The following IDO2 variants were observed in gnomAD, a reference collection of about 807,000 sequenced individuals.
IDO2 encodes indoleamine 2,3-dioxygenase 2.
IDO2 carries 46 observed loss-of-function variants against 45.1 expected under a neutral mutation model. The observed-to-expected ratio is 1.02, with a 90% CI of 0.80 to 1.30. IDO2 has a LOEUF of 1.30. Among genes scored for constraint, IDO2 ranks in the 50% most tolerant of loss-of-function variants. The pLI is 0.00. For missense variants in IDO2, 544 were observed against 491.8 expected, an observed-to-expected ratio of 1.11 and a Z score of -1.00; for synonymous variants, 218 against 184.9, an observed-to-expected ratio of 1.18 and a Z score of -1.45.
At chr8:39,985,876 G>A (rs1808414678) in intron 6 of IDO2, 1 of 189,294 alleles carries the variant, frequency 5.3e-6, no homozygotes, top group African/African-American at 2.4e-5. Context: ...TGTTGCCCAG[G>A]TTGGAGTGCA....
intron 8 of IDO2, among the ~76,000 whole-genome samples, chr8:39,994,957 C>A (rs1354964734): frequency 6.6e-6 from 1 of 152,110 alleles, no homozygotes; most frequent in Non-Finnish European, 1.5e-5. Flanking sequence ...ATCAAGAGCA[C>A]ACTACTAGTT....
chr8:39,955,310 A>T (rs1453613885), intron 2 of IDO2, among the ~76,000 whole-genome samples: 1 of 133,274 alleles, frequency 7.5e-6, no homozygotes, highest in Non-Finnish European at 1.5e-5. Flanking sequence ...GCTGGAGTGC[A>T]GTGGCACGTT....
intron 3 of IDO2, among the ~76,000 whole-genome samples, chr8:39,975,163 T>G (rs1808240807): frequency 1.7e-5 from 1 of 59,478 alleles, no homozygotes; most frequent in South Asian, 6.1e-4. Context: ...ATTGGAGTTT[T>G]TTTTTTTGTT....
chr8:40,016,201 TC>T (rs1802385955), exon 11 of IDO2: 1 of 397,870 alleles, frequency 2.5e-6, no homozygotes, highest in African/African-American at 2.1e-5. Flanking sequence ...GATGAGACTT[TC>T]CACGTGGTAC....
intron 9 of IDO2, among the ~76,000 whole-genome samples, chr8:40,010,957 A>G (rs2981152): frequency 0.56 from 84,745 of 151,884 alleles, 23,911 homozygotes; most frequent in East Asian, 0.78. Flanking sequence ...TTTCGCCCAA[A>G]CTGGAGTGCA....
intron 8 of IDO2, among the ~76,000 whole-genome samples, chr8:40,004,055 T>C (rs1263116267): frequency 6.6e-6 from 1 of 152,180 alleles, no homozygotes; most frequent in Non-Finnish European, 1.5e-5. Flanking sequence ...TTGGGCAAAA[T>C]ATTAAAGTAT....
intron 9 of IDO2, among the ~76,000 whole-genome samples, chr8:40,012,114 C>T (rs2981156): frequency 0.67 from 102,316 of 152,042 alleles, 34,982 homozygotes; most frequent in Non-Finnish European, 0.73. Context: ...ATATCATGAA[C>T]AGCAAACACA....
chr8:39,982,770 G>C (rs753401519), exon 5 of IDO2: 7 of 1,555,584 alleles, frequency 4.5e-6, no homozygotes, highest in Non-Finnish European at 1.8e-6. Context: ...GATCCAGACG[G>C]GTAAGGAAGG....
intron 6 of IDO2, chr8:39,986,579 G>A (rs557004355): frequency 6.6e-6 from 1 of 152,206 alleles, no homozygotes; most frequent in South Asian, 2.1e-4. Context: ...TTTAGGTTTT[G>A]TAGATGTTTT....
At chr8:40,015,172 A>AAAGAAG in intron 10 of IDO2, 75 bp from the exon 11 acceptor site, 1 of 913,798 alleles carries the variant, frequency 1.1e-6, no homozygotes, top group Non-Finnish European at 1.7e-6. Context: ...AAAAAATAAA[A>AAAGAAG]AAGAAGAAGA....
chr8:39,954,798 G>T (rs1224703788), intron 2 of IDO2, among the ~76,000 whole-genome samples: 1 of 151,612 alleles, frequency 6.6e-6, no homozygotes, highest in Non-Finnish European at 1.5e-5. Context: ...TGGTATTACA[G>T]GTGCGCACCA....
intron 1 of IDO2, among the ~76,000 whole-genome samples, chr8:39,945,213 C>T (rs1322173507): frequency 6.6e-6 from 1 of 152,228 alleles, no homozygotes; most frequent in Admixed American, 6.5e-5. Context: ...CTTTCAGGGT[C>T]AGAAGAATAA....
chr8:40,001,205 C>T (rs866075137), intron 8 of IDO2, among the ~76,000 whole-genome samples: 13 of 150,890 alleles, frequency 8.6e-5, no homozygotes, highest in African/African-American at 2.7e-4. Context: ...CAGGTACTCA[C>T]CATTCGTGCC....
At position 39,985,523 on chromosome 8, in the gene IDO2, G is replaced by GT; in HGVS notation, c.449+2dup. Reference sequence around the variant, plus strand: ...ATTGGGCTAGATTCCTGGAAATTGGGTAAGTTCTCAGAAATCATTTACGCA... The same window carrying GT: ...ATTGGGCTAGATTCCTGGAAATTGGGTTAAGTTCTCAGAAATCATTTACGCA... On this transcript the variant is annotated splice_donor_variant, in intron 6 of 10. Transcript: ENST00000502986. LOFTEE classifies it high-confidence loss of function. 1.3e-6 allele frequency: 2 copies of GT among 1,564,212 alleles called. No homozygotes were observed. Among genetic ancestry groups the GT allele is most frequent in the Non-Finnish European group, 1.7e-6 (2 of 1,152,988 alleles).
chr8:39,951,646 A>T (rs1274874645), intron 2 of IDO2, among the ~76,000 whole-genome samples: 1 of 152,196 alleles, frequency 6.6e-6, no homozygotes, highest in East Asian at 1.9e-4. Flanking sequence ...AATCCAGTGT[A>T]AGGACCAGAA....
At chr8:39,941,939 A>C (rs1807649364) in intron 1 of IDO2, among the ~76,000 whole-genome samples, 1 of 151,916 alleles carries the variant, frequency 6.6e-6, no homozygotes, top group Non-Finnish European at 1.5e-5. Context: ...AAAAATAAAA[A>C]TTAGCCAAGC....
chr8:39,972,161 T>C (rs1232348194), intron 3 of IDO2, among the ~76,000 whole-genome samples: 1 of 152,230 alleles, frequency 6.6e-6, no homozygotes, highest in Non-Finnish European at 1.5e-5. Flanking sequence ...AAGAAAGTAG[T>C]TGCACAACAC....
chr8:39,958,313 C>T lies in IDO2; in HGVS notation c.100-5295C>T, dbSNP rs550264263. 1.8e-4 allele frequency among the ~76,000 whole-genome samples: 17 copies of T among 95,056 alleles called. No homozygotes were observed. In the South Asian group the frequency reaches 5.8e-3, roughly 32 times the overall value. The allele number at this position is 95,056 out of a possible 152,430, so 62.4% of individuals were successfully genotyped here. A position where few individuals can be genotyped will look rare whatever the true frequency, so the allele number is the denominator to read the frequency against. On this transcript the variant is annotated intron_variant, in intron 2 of 10. Coordinates refer to ENST00000502986, the Ensembl canonical transcript of IDO2. ...GCCTCCCAGGTTCAGGCGATTCTCC[C>T]GCCTCTGCCTCCCAGGTTCAGGCGA...
chr8:39,949,002 A>C, intron 1 of IDO2, 147 bp from the exon 2 acceptor site: 2 of 992,438 alleles, frequency 2.0e-6, no homozygotes, highest in Non-Finnish European at 2.8e-6. Context: ...TGTCTCAGAG[A>C]AAGTCCATGA....
Sources: gnomAD v4.1 joint callset for allele counts (sites outside exome capture counted in the v4.1 genomes callset) on GRCh38, gnomAD v4.1.1 for gene constraint, MANE v1.5 for transcripts, NCBI Gene and HGNC (gene_info 2026-07-23, HGNC 2026-07-21) for gene names.